Variants in TBCD observed in about 807,000 individuals in gnomAD.
TBCD encodes the protein tubulin-specific chaperone D.
In TBCD, 105 loss-of-function variants were observed where a neutral mutation model predicts 169.3. That is an observed-to-expected ratio of 0.62 (90% CI 0.53 to 0.73). The LOEUF (loss-of-function observed/expected upper bound fraction) is 0.73, where lower values mean the gene tolerates loss of function less well. TBCD is among the 30% of genes least tolerant of loss of function. TBCD has a pLI of 0.00. For synonymous variants in TBCD, 700 were observed against 643.9 expected, an observed-to-expected ratio of 1.09 and a Z score of -1.32; for missense variants, 1,444 against 1,600.1, an observed-to-expected ratio of 0.90 and a Z score of 1.66.
In TBCD at chr17:82,923,302, T is replaced by C. The variant is rs56217307; in HGVS notation, c.2179-350T>C. ...GTGGTAGTAAAGTGATGCGTGTATC[T>C]GACAGATGATGGTGAGCAGGCGTGC... On this transcript the variant is annotated intron_variant, in intron 25 of 38. Coordinates refer to ENST00000355528, the MANE Select transcript of TBCD (RefSeq NM_005993.5). The surrounding 1 kb of genome is among the most constrained non-coding windows in gnomAD (Gnocchi z 4.6). Among the ~76,000 whole-genome samples, 24,063 of 152,240 alleles carry C rather than the reference T, an allele frequency of 0.16. 2,057 individuals carry two copies. Among genetic ancestry groups the C allele is most frequent in the South Asian group, 0.31 (1,486 of 4,826 alleles).
At chr17:82,838,760 A>G in intron 13 of TBCD, 1 of 985,482 alleles carries the variant, frequency 1.0e-6, no homozygotes, top group South Asian at 4.7e-5. Context: ...GTAATTTGGA[A>G]GAATGGATCC....
At chr17:82,865,401 G>A in intron 13 of TBCD, 1 of 928,904 alleles carries the variant, frequency 1.1e-6, no homozygotes, top group African/African-American at 1.8e-5. Context: ...ATCGTGGGAG[G>A]GAGGCTCAGT....
chr17:82,754,378 G>A (rs1398831435), intron 1 of TBCD, among the ~76,000 whole-genome samples: 1 of 152,228 alleles, frequency 6.6e-6, no homozygotes, highest in Non-Finnish European at 1.5e-5. Context: ...GTGGATCCTA[G>A]TGTAGGTGTC....
chr17:82,902,406 C>T (rs1282008052), intron 18 of TBCD, among the ~76,000 whole-genome samples: 9 of 152,252 alleles, frequency 5.9e-5, no homozygotes, highest in Admixed American at 5.2e-4. Context: ...CTTGCGGCTG[C>T]AGACTGCATT....
Position 82,806,095 on chromosome 17 carries a change from C to T in TBCD, c.1087+84C>T, listed in dbSNP as rs926476589. ...TACTCCAGGACCACACTTCCTTCTT[C>T]CTTGCTGGTGCCGGCACTGTCTGGC... is the stretch of plus-strand genomic sequence containing the variant. On this transcript the variant is annotated intron_variant, in intron 10 of 38. Transcript: ENST00000355528. This position sits in a 1 kb window ranked among gnomAD's most constrained non-coding sequence, Gnocchi z 5.1. 2.6e-6 allele frequency: 4 copies of T among 1,546,602 alleles called. No individual in the cohort carries two copies. The Admixed American group carries it at 7.4e-5, about 29-fold the overall frequency.
rs1033674579 is a variant in TBCD at position 82,922,722 on chromosome 17, C to T, written c.2179-930C>T. On this transcript the variant is annotated intron_variant, in intron 25 of 38. Transcript: ENST00000355528. This position sits in a 1 kb window ranked among gnomAD's most constrained non-coding sequence, Gnocchi z 4.1. ...CTCGTGGAATGCAGCACCCTGTAGA[C>T]GACGCACCTCCTCTGCTCATGGCCC... Among the ~76,000 whole-genome samples the T allele has an allele frequency of 6.6e-6, 1 of 152,198 alleles. No individual in the cohort carries two copies. The highest frequency in any genetic ancestry group is 1.5e-5 in the Non-Finnish European group (1 of 68,022).
chr17:82,772,109 T>TTCTTAA (rs2048341747), intron 5 of TBCD, among the ~76,000 whole-genome samples: 1 of 152,140 alleles, frequency 6.6e-6, no homozygotes, highest in South Asian at 2.1e-4. Flanking sequence ...GGAAGGCATA[T>TTCTTAA]TAGGTGCTCA....
chr17:82,864,451 G>T lies in TBCD; in HGVS notation c.1319-5773G>T, dbSNP rs2057010311. The T allele has an allele frequency of 6.6e-6, 1 of 152,268 alleles. No homozygotes were observed. The highest frequency in any genetic ancestry group is 1.5e-5 in the Non-Finnish European group (1 of 68,072). The allele number at this position is 152,268 out of a possible 1,614,324, so 9.4% of individuals were successfully genotyped here. A position where few individuals can be genotyped will look rare whatever the true frequency, so the allele number is the denominator to read the frequency against. On this transcript the variant is annotated intron_variant, in intron 13 of 38. Coordinates refer to ENST00000355528, the MANE Select transcript of TBCD (RefSeq NM_005993.5). This position sits in a 1 kb window ranked among gnomAD's most constrained non-coding sequence, Gnocchi z 6.3. Reference sequence around the variant, plus strand: ...CTGTAAGAATCTGAGCTTGGTGACAGTTGGGTGACCCGGGCTCTGTGTCTT... The same window carrying T: ...CTGTAAGAATCTGAGCTTGGTGACATTTGGGTGACCCGGGCTCTGTGTCTT...
intron 27 of TBCD, among the ~76,000 whole-genome samples, chr17:82,925,441 C>T (rs1376379393): frequency 7.9e-5 from 12 of 152,168 alleles, no homozygotes; most frequent in Admixed American, 4.6e-4. Flanking sequence ...GGTGGTTCCA[C>T]GTCCTCCCAG....
In TBCD at chr17:82,782,547, G is replaced by C. The variant is rs1481628215; in HGVS notation, c.771+826G>C. Among the ~76,000 whole-genome samples the C allele has an allele frequency of 6.6e-6, 1 of 152,174 alleles. No individual in the cohort carries two copies. The highest frequency in any genetic ancestry group is 1.5e-5 in the Non-Finnish European group (1 of 68,026). ...TATAGAGACAGGGTCTTGCTATGTA[G>C]GTCAGGGTGGTCTTAAACTCCTGGC... On this transcript the variant is annotated intron_variant, in intron 7 of 38. Coordinates refer to ENST00000355528, the MANE Select transcript of TBCD (RefSeq NM_005993.5). This position sits in a 1 kb window ranked among gnomAD's most constrained non-coding sequence, Gnocchi z 5.1.
chr17:82,929,767 C>T, intron 32 of TBCD: 2 of 589,946 alleles, frequency 3.4e-6, no homozygotes, highest in Non-Finnish European at 6.1e-6. Flanking sequence ...CTCCCAGCGT[C>T]CCCTCGGGGT....
rs1010603325 is a variant in TBCD, at chr17:82,789,086, A to C, written c.771+7365A>C. ...GTGCTCTCTTGGGGCAAGGTTTTGG[A>C]TGGAGAAAATAGGACAAGAGCAGTT... On this transcript the variant is annotated intron_variant, in intron 7 of 38. Transcript: ENST00000355528. The surrounding 1 kb of genome is among the most constrained non-coding windows in gnomAD (Gnocchi z 4.8). Among the ~76,000 whole-genome samples the C allele has an allele frequency of 2.6e-5, 4 of 152,064 alleles. No individual in the cohort carries two copies. The highest frequency in any genetic ancestry group is 4.4e-5 in the Non-Finnish European group (3 of 68,010).
intron 23 of TBCD, among the ~76,000 whole-genome samples, chr17:82,912,643 C>T (rs2060727514): frequency 6.6e-6 from 1 of 151,476 alleles, no homozygotes; most frequent in Admixed American, 6.6e-5. Context: ...CAGACTTTTG[C>T]TGAGGTCTGC....
intron 2 of TBCD, among the ~76,000 whole-genome samples, chr17:82,761,533 C>T (rs540353104): frequency 5.3e-5 from 8 of 152,258 alleles, no homozygotes; most frequent in Non-Finnish European, 1.2e-4. Flanking sequence ...GTCCCCTCAC[C>T]CCAGCCCTAG....
chr17:82,922,015 T>TCC lies in TBCD; in HGVS notation c.2178+441_2178+442dup, dbSNP rs927171826. 6.6e-6 allele frequency among the ~76,000 whole-genome samples: 1 copy of TCC among 152,142 alleles called. No individual in the cohort carries two copies. The highest frequency in any genetic ancestry group is 1.5e-5 in the Non-Finnish European group (1 of 68,024). On this transcript the variant is annotated intron_variant, in intron 25 of 38. Transcript: ENST00000355528. This position sits in a 1 kb window ranked among gnomAD's most constrained non-coding sequence, Gnocchi z 4.1. ...GTGTGGGTGCCAGTGTGTGTGTGTGTCCCCGGCCACCTGCCCTCCCCTCCC... is the reference window on the plus strand; with the variant it reads ...GTGTGGGTGCCAGTGTGTGTGTGTGTCCCCCCGGCCACCTGCCCTCCCCTCCC...
At chr17:82,762,742 CTG>C (rs1448587819) in intron 2 of TBCD, among the ~76,000 whole-genome samples, 2 of 151,380 alleles carry the variant, frequency 1.3e-5, no homozygotes, top group South Asian at 4.2e-4. Context: ...GAGTGAGACT[CTG>C]TCTCCAAAAA....
intron 2 of TBCD, among the ~76,000 whole-genome samples, chr17:82,762,315 CAAAAAAAAA>C (rs35386796): frequency 1.1e-5 from 1 of 91,470 alleles, no homozygotes; most frequent in African/African-American, 4.4e-5. Flanking sequence ...GACTCCGTCT[CAAAAAAAAA>C]AAAAAAAAAA....
chr17:82,891,237 G>A (rs1266336960), intron 16 of TBCD, among the ~76,000 whole-genome samples: 1 of 152,214 alleles, frequency 6.6e-6, no homozygotes, highest in Non-Finnish European at 1.5e-5. Context: ...CCTTTATCGG[G>A]GCAGCTCAGG....
At chr17:82,883,457 A>G (rs758259414) in intron 14 of TBCD, among the ~76,000 whole-genome samples, 1 of 152,212 alleles carries the variant, frequency 6.6e-6, no homozygotes, top group Non-Finnish European at 1.5e-5. Flanking sequence ...AAGAGGACAT[A>G]ATGAAGCCCA....
Sources: gnomAD v4.1 joint callset for allele counts (sites outside exome capture counted in the v4.1 genomes callset) on GRCh38, gnomAD v4.1.1 for gene constraint, Gnocchi (gnomAD v3.1) non-coding constraint, MANE v1.5 for transcripts, NCBI Gene and HGNC (gene_info 2026-07-23, HGNC 2026-07-21) for gene names.